The following CLVS1 variants were observed in gnomAD, a reference collection of about 807,000 sequenced individuals.
CLVS1 encodes clavesin-1.
A neutral mutation model predicts 33.1 loss-of-function variants in CLVS1; 10 were observed. That is an observed-to-expected ratio of 0.30 (90% confidence interval 0.19 to 0.51). The LOEUF is 0.51. CLVS1 is among the 20% of genes least tolerant of loss of function. The probability of loss-of-function intolerance (pLI) is 0.97; values close to 1 mark genes in which losing one functional copy is unlikely to be tolerated. For synonymous variants in CLVS1, 163 were observed against 166.1 expected, an observed-to-expected ratio of 0.98 and a Z score of 0.14; for missense variants, 343 against 433.4, an observed-to-expected ratio of 0.79 and a Z score of 1.85.
At chr8:61,389,082 T>G (rs1814198463) in intron 3 of CLVS1, among the ~76,000 whole-genome samples, 1 of 152,344 alleles carries the variant, frequency 6.6e-6, no homozygotes, top group East Asian at 1.9e-4. Flanking sequence ...ACACACTTTA[T>G]TCTTAAGAAA....
At chr8:61,481,896 C>T (rs1818208811) in intron 5 of CLVS1, among the ~76,000 whole-genome samples, 1 of 152,232 alleles carries the variant, frequency 6.6e-6, no homozygotes, top group Admixed American at 6.5e-5. Flanking sequence ...GACAGTCTGC[C>T]TCCTCAAGTG....
chr8:61,053,621 G>A (rs1343452117), upstream of CLVS1, among the ~76,000 whole-genome samples: 1 of 152,204 alleles, frequency 6.6e-6, no homozygotes. Flanking sequence ...TGGCTTACAG[G>A]GAGCTCCTCC....
intron 5 of CLVS1, among the ~76,000 whole-genome samples, chr8:61,469,113 C>A (rs536147178): frequency 1.3e-5 from 2 of 152,278 alleles, no homozygotes; most frequent in Admixed American, 6.5e-5. Flanking sequence ...GACCACTCAA[C>A]AAATATTTAC....
intron 2 of CLVS1, among the ~76,000 whole-genome samples, chr8:61,355,865 A>C (rs539458515): frequency 6.6e-6 from 1 of 152,210 alleles, no homozygotes; most frequent in African/African-American, 2.4e-5. Context: ...ATAGTGCCGC[A>C]ATAAACATAC....
the CLVS1 span, among the ~76,000 whole-genome samples, chr8:60,971,441 C>T: frequency 6.6e-6 from 1 of 152,194 alleles, no homozygotes; most frequent in Non-Finnish European, 1.5e-5. Flanking sequence ...TCTTCCACAT[C>T]TTTGTCCCCA....
chr8:61,162,308 CT>C (rs1806769225), intron 2 of CLVS1, among the ~76,000 whole-genome samples: 1 of 152,206 alleles, frequency 6.6e-6, no homozygotes, highest in South Asian at 2.1e-4. Flanking sequence ...AATTTGTATG[CT>C]TTTTCTCCTA....
At chr8:61,360,477 A>G (rs995078875) in intron 2 of CLVS1, among the ~76,000 whole-genome samples, 3 of 152,178 alleles carry the variant, frequency 2.0e-5, no homozygotes, top group African/African-American at 4.8e-5. Context: ...CACAAATATT[A>G]CCTTCTTCTA....
chr8:61,165,272 C>T (rs1041828627), intron 2 of CLVS1, among the ~76,000 whole-genome samples: 20 of 152,170 alleles, frequency 1.3e-4, no homozygotes, highest in Admixed American at 7.9e-4. Context: ...GGACCACAAG[C>T]GAAAGCTCAG....
intron 2 of CLVS1, among the ~76,000 whole-genome samples, chr8:61,340,370 T>C (rs1431172148): frequency 6.6e-6 from 1 of 152,220 alleles, no homozygotes; most frequent in East Asian, 1.9e-4. Context: ...CCCTGGTAGC[T>C]GCCCTTCTAC....
intron 2 of CLVS1, among the ~76,000 whole-genome samples, chr8:61,260,169 G>A (rs974583399): frequency 6.6e-6 from 1 of 152,160 alleles, no homozygotes; most frequent in African/African-American, 2.4e-5. Context: ...GTTCTCTTCA[G>A]AGCACTTACA....
intron 2 of CLVS1, among the ~76,000 whole-genome samples, chr8:61,357,705 G>A (rs1468785500): frequency 6.6e-6 from 1 of 151,118 alleles, no homozygotes; most frequent in Non-Finnish European, 1.5e-5. Flanking sequence ...CAGGGTTTCA[G>A]CATGTTGGCC....
At chr8:61,095,035 T>C (rs1805322692) in intron 1 of CLVS1, among the ~76,000 whole-genome samples, 1 of 152,242 alleles carries the variant, frequency 6.6e-6, no homozygotes, top group East Asian at 1.9e-4. Context: ...CATTTAGTAA[T>C]ATATTTAGGC....
chr8:61,036,273 C>T, the CLVS1 span, among the ~76,000 whole-genome samples: 1 of 152,204 alleles, frequency 6.6e-6, no homozygotes, highest in Non-Finnish European at 1.5e-5. Context: ...GATTCGAGAA[C>T]AATGCAGCCT....
intron 2 of CLVS1, among the ~76,000 whole-genome samples, chr8:61,247,051 A>G (rs1004078938): frequency 6.6e-6 from 1 of 152,218 alleles, no homozygotes; most frequent in African/African-American, 2.4e-5. Context: ...AAGTGAGAAC[A>G]TGCAGTATTT....
chr8:61,325,773 A>G (rs1811359655), intron 2 of CLVS1, among the ~76,000 whole-genome samples: 1 of 152,130 alleles, frequency 6.6e-6, no homozygotes, highest in Non-Finnish European at 1.5e-5. Flanking sequence ...CTATCAGGAG[A>G]AACTGACTAT....
At chr8:61,209,926 T>G (rs1195755554) in intron 2 of CLVS1, among the ~76,000 whole-genome samples, 1 of 152,234 alleles carries the variant, frequency 6.6e-6, no homozygotes, top group Non-Finnish European at 1.5e-5. Flanking sequence ...TCCCATGATT[T>G]GATTACACTA....
intron 2 of CLVS1, among the ~76,000 whole-genome samples, chr8:61,196,412 C>G (rs1288667990): frequency 1.3e-5 from 2 of 152,168 alleles, no homozygotes; most frequent in African/African-American, 2.4e-5. Flanking sequence ...ATTCTAGAAG[C>G]CTATAGAGCT....
chr8:61,263,207 C>T (rs4082032), intron 2 of CLVS1, among the ~76,000 whole-genome samples: 21,614 of 152,104 alleles, frequency 0.14, 3,156 homozygotes, highest in African/African-American at 0.38. Context: ...TCTGCTAAAA[C>T]TCCCTGCCAT....
rs1473478271 is a variant in CLVS1, at chr8:61,230,779, A to AAC, written c.-151-68896_-151-68895dup. On this transcript the variant is annotated intron_variant, in intron 2 of 2. Coordinates refer to the CLVS1 transcript ENST00000522621. ...ACCATAAACTAGGTGGCTTACAAAC[A>AAC]ACAGAAATTTATTTCTCACAGTTTC... 2.0e-5 allele frequency among the ~76,000 whole-genome samples: 3 copies of AAC among 152,334 alleles called. No individual in the cohort carries two copies. In the South Asian group the frequency reaches 6.2e-4, roughly 32 times the overall value.
Sources: allele counts gnomAD v4.1 joint callset (sites outside exome capture counted in the v4.1 genomes callset), GRCh38; gene constraint gnomAD v4.1.1; transcripts MANE v1.5; gene names NCBI Gene and HGNC (gene_info 2026-07-23, HGNC 2026-07-21).